RAP1GAP2: variants seen among roughly 807,000 people sequenced by gnomAD.
The protein encoded by RAP1GAP2 is rap1 GTPase-activating protein 2.
A neutral mutation model predicts 95.0 loss-of-function variants in RAP1GAP2; 27 were observed. The observed-to-expected ratio is 0.28, with a 90% CI of 0.21 to 0.39. RAP1GAP2 has a LOEUF of 0.39. Ranked by LOEUF, RAP1GAP2 falls within the 10% of genes least tolerant of loss-of-function variation. The pLI, the probability that RAP1GAP2 is intolerant of heterozygous loss-of-function variation, is 1.00. For missense variants in RAP1GAP2, 771 were observed against 970.0 expected (o/e 0.79, Z 2.72); for synonymous variants, 373 against 380.9 (o/e 0.98, Z 0.24).
At chr17:2,967,228 G>A (rs1049988001) in intron 8 of RAP1GAP2, among the ~76,000 whole-genome samples, 4 of 152,188 alleles carry the variant, frequency 2.6e-5, no homozygotes, top group East Asian at 1.9e-4. Context: ...AAAATTAGCT[G>A]GGCGTGGTGG....
At chr17:2,809,343 C>CGTGAGG (rs2069658546) in intron 2 of RAP1GAP2, among the ~76,000 whole-genome samples, 1 of 152,212 alleles carries the variant, frequency 6.6e-6, no homozygotes, top group Admixed American at 6.5e-5. Context: ...TCACGGAGCC[C>CGTGAGG]GTGAGGGTGT....
In RAP1GAP2 at chr17:2,806,346, G is replaced by A. The variant is rs1230590420; in HGVS notation, c.80+5796G>A. Among the ~76,000 whole-genome samples the A allele has an allele frequency of 2.6e-4, 38 of 146,452 alleles. No homozygotes were observed. In the East Asian group the frequency reaches 7.4e-3, roughly 29 times the overall value. ...GAGAGCAGGGGCTTGCCACAGCCAG[G>A]AAGCTTGATTTCTTCTCTGCTACAA... On this transcript the variant is annotated intron_variant, in intron 2 of 24. Coordinates refer to ENST00000254695, the MANE Select transcript of RAP1GAP2 (RefSeq NM_015085.5).
chr17:2,882,438 C>T (rs142124829), intron 2 of RAP1GAP2, among the ~76,000 whole-genome samples: 22 of 151,444 alleles, frequency 1.5e-4, no homozygotes, highest in East Asian at 1.2e-3. Context: ...GTTACAGGCA[C>T]GCGCCACCAC....
intron 11 of RAP1GAP2, among the ~76,000 whole-genome samples, chr17:2,986,586 A>T (rs898004893): frequency 2.0e-5 from 3 of 151,868 alleles, no homozygotes; most frequent in Non-Finnish European, 4.4e-5. Context: ...TTGTTTTGCA[A>T]ACCTGCAGCT....
upstream of RAP1GAP2, among the ~76,000 whole-genome samples, chr17:2,793,178 A>G (rs1480582072): frequency 6.8e-6 from 1 of 147,898 alleles, no homozygotes; most frequent in East Asian, 2.0e-4. Flanking sequence ...TTTGAGATAG[A>G]GTTTCGCTCT....
At chr17:2,949,992 A>G (rs533720323) in intron 3 of RAP1GAP2, among the ~76,000 whole-genome samples, 33 of 151,696 alleles carry the variant, frequency 2.2e-4, no homozygotes, top group African/African-American at 6.8e-4. Flanking sequence ...CTTCTCACCA[A>G]CTGTGCCAGC....
chr17:2,828,289 C>G (rs376368154), intron 2 of RAP1GAP2, among the ~76,000 whole-genome samples: 6 of 152,102 alleles, frequency 3.9e-5, no homozygotes, highest in African/African-American at 1.4e-4. Context: ...TGCAGTGAGC[C>G]GAGATCGCGC....
At chr17:2,768,893 T>C (rs1235367970) in intron 1 of RAP1GAP2, among the ~76,000 whole-genome samples, 1 of 151,778 alleles carries the variant, frequency 6.6e-6, no homozygotes, top group Non-Finnish European at 1.5e-5. Context: ...TGCTGACTCC[T>C]GACCCCTGCT....
At position 2,786,148 on chromosome 17, in the gene RAP1GAP2, G is replaced by C. The variant is rs539618685; in HGVS notation, c.-14+8870G>C. ...ACTCCTGACCTCAGGTGATCCGTCC[G>C]CCTCGGCCTCCCACAGTGCTGGGAT... On this transcript the variant is annotated intron_variant, in intron 1 of 24. Coordinates refer to the RAP1GAP2 transcript ENST00000540393. 4.3e-4 allele frequency among the ~76,000 whole-genome samples: 66 copies of C among 152,266 alleles called. No homozygotes were observed. The East Asian group carries it at 5.2e-3, about 12-fold the overall frequency.
At chr17:2,788,690 T>A (rs2068849383) in intron 1 of RAP1GAP2, among the ~76,000 whole-genome samples, 1 of 152,212 alleles carries the variant, frequency 6.6e-6, no homozygotes, top group Non-Finnish European at 1.5e-5. Context: ...TGGTGGTATG[T>A]TCTAGTCCAA....
chr17:2,927,400 G>T (rs568981429), intron 3 of RAP1GAP2, among the ~76,000 whole-genome samples: 7 of 152,102 alleles, frequency 4.6e-5, no homozygotes, highest in African/African-American at 7.2e-5. Context: ...TGATCCGCCC[G>T]CCTTGGCCTC....
chr17:2,768,927 T>C (rs1472185610), intron 1 of RAP1GAP2, among the ~76,000 whole-genome samples: 1 of 151,684 alleles, frequency 6.6e-6, no homozygotes, highest in Non-Finnish European at 1.5e-5. Context: ...TCTCCTGCTG[T>C]GAAATCAAGA....
chr17:2,891,917 C>T (rs1368135558), intron 2 of RAP1GAP2, among the ~76,000 whole-genome samples: 5 of 144,586 alleles, frequency 3.5e-5, no homozygotes, highest in South Asian at 4.4e-4. Flanking sequence ...TCTGCCTCCT[C>T]GGTTCAAGCG....
intron 14 of RAP1GAP2, among the ~76,000 whole-genome samples, chr17:3,001,649 G>A (rs934366625): frequency 6.6e-6 from 1 of 152,232 alleles, no homozygotes; most frequent in East Asian, 1.9e-4. Context: ...AGGGAGTACA[G>A]GTCAGCCACT....
intron 2 of RAP1GAP2, among the ~76,000 whole-genome samples, chr17:2,894,740 T>C (rs978961631): frequency 6.6e-6 from 1 of 152,164 alleles, no homozygotes; most frequent in Non-Finnish European, 1.5e-5. Flanking sequence ...CGGCCCCCCC[T>C]TTACTTTCTG....
At chr17:2,824,706 C>CTG (rs1213192948) in intron 2 of RAP1GAP2, among the ~76,000 whole-genome samples, 1 of 146,600 alleles carries the variant, frequency 6.8e-6, no homozygotes, top group Non-Finnish European at 1.5e-5. Context: ...CGCCATTGCA[C>CTG]TCCAGCCTGG....
intron 10 of RAP1GAP2, among the ~76,000 whole-genome samples, chr17:2,984,187 A>G (rs553606158): frequency 6.6e-6 from 1 of 152,196 alleles, no homozygotes; most frequent in Admixed American, 6.5e-5. Context: ...CGTCTCTACT[A>G]AAAATACAAA....
chr17:2,956,348 C>A (rs757847211), intron 3 of RAP1GAP2, among the ~76,000 whole-genome samples: 1 of 152,222 alleles, frequency 6.6e-6, no homozygotes, highest in Admixed American at 6.5e-5. Context: ...TGGCTTTGGC[C>A]TGACAGAGGT....
intron 2 of RAP1GAP2, among the ~76,000 whole-genome samples, chr17:2,858,924 A>C (rs955706167): frequency 1.1e-4 from 16 of 152,112 alleles, no homozygotes; most frequent in Non-Finnish European, 1.5e-4. Flanking sequence ...TTCTTAAAAA[A>C]ACCCCCGTAA....
Sources: gnomAD v4.1 joint callset for allele counts (sites outside exome capture counted in the v4.1 genomes callset) on GRCh38, gnomAD v4.1.1 for gene constraint, MANE v1.5 for transcripts, NCBI Gene and HGNC (gene_info 2026-07-23, HGNC 2026-07-21) for gene names.